Variants in KIF2A observed in about 807,000 individuals in gnomAD.
KIF2A encodes kinesin family member 2A.
A neutral mutation model predicts 100.2 loss-of-function variants in KIF2A; 22 were observed. That is an observed-to-expected ratio of 0.22 (90% CI 0.16 to 0.31). The LOEUF is 0.31. Among genes scored for constraint, KIF2A ranks in the 10% least tolerant of loss-of-function variants. The probability of loss-of-function intolerance (pLI) is 1.00; values close to 1 mark genes in which losing one functional copy is unlikely to be tolerated. For synonymous variants in KIF2A, 268 were observed against 285.9 expected (o/e 0.94, Z 0.63); for missense variants, 495 against 898.7 (o/e 0.55, Z 5.74).
intron 1 of KIF2A, among the ~76,000 whole-genome samples, chr5:62,327,855 G>A (rs1412542676): frequency 1.3e-5 from 2 of 152,122 alleles, no homozygotes; most frequent in Admixed American, 6.5e-5. Context: ...GAGTCCTGGG[G>A]GGAATAATAA....
At chr5:62,346,403 T>C (rs1390745837) in intron 1 of KIF2A, among the ~76,000 whole-genome samples, 1 of 152,154 alleles carries the variant, frequency 6.6e-6, no homozygotes, top group African/African-American at 2.4e-5. Context: ...TGGTAAAAAG[T>C]GGTTTTTAAG....
intron 1 of KIF2A, among the ~76,000 whole-genome samples, chr5:62,336,194 G>A (rs1464314680): frequency 1.3e-5 from 2 of 152,182 alleles, no homozygotes; most frequent in African/African-American, 4.8e-5. Context: ...GATGTCAAAA[G>A]TTTGATTCCT....
At chr5:62,377,553 C>A (rs1580099600) in intron 18 of KIF2A, 108 bp from the exon 19 acceptor site, 1 of 555,446 alleles carries the variant, frequency 1.8e-6, no homozygotes. Flanking sequence ...CTTTACCATT[C>A]AAGCCTCTTC....
chr5:62,365,173 A>G (rs1393263563), intron 14 of KIF2A, 70 bp from the exon 15 acceptor site: 9 of 745,726 alleles, frequency 1.2e-5, no homozygotes, highest in Non-Finnish European at 1.9e-5. Flanking sequence ...GAGACCTTTT[A>G]AAATATGTTA....
chr5:62,336,721 T>G (rs1746972553), intron 1 of KIF2A, among the ~76,000 whole-genome samples: 1 of 152,222 alleles, frequency 6.6e-6, no homozygotes, highest in South Asian at 2.1e-4. Context: ...GCATTCATCT[T>G]AAGAATTTAA....
chr5:62,310,838 A>G (rs1251043182), intron 1 of KIF2A, among the ~76,000 whole-genome samples: 1 of 151,590 alleles, frequency 6.6e-6, no homozygotes, highest in Non-Finnish European at 1.5e-5. Flanking sequence ...AAAAACCTAC[A>G]ATCTTTCTGT....
At chr5:62,346,097 TTAAA>T (rs1301826138) in intron 1 of KIF2A, among the ~76,000 whole-genome samples, 2 of 152,062 alleles carry the variant, frequency 1.3e-5, no homozygotes, top group African/African-American at 2.4e-5. Flanking sequence ...TCAATAGGTA[TTAAA>T]TAATTTATGA....
At chr5:62,314,273 C>A (rs1745697211) in intron 1 of KIF2A, among the ~76,000 whole-genome samples, 1 of 152,002 alleles carries the variant, frequency 6.6e-6, no homozygotes, top group African/African-American at 2.4e-5. Context: ...TGGATACCAG[C>A]CTGGGCAACA....
intron 16 of KIF2A, among the ~76,000 whole-genome samples, chr5:62,366,723 C>T (rs549440389): frequency 3.2e-4 from 48 of 151,184 alleles, no homozygotes; most frequent in Middle Eastern, 3.4e-3. Flanking sequence ...CCCAGCTACT[C>T]GGGAAGCTGA....
At chr5:62,332,283 C>T (rs946928889) in intron 1 of KIF2A, among the ~76,000 whole-genome samples, 2 of 152,024 alleles carry the variant, frequency 1.3e-5, no homozygotes, top group African/African-American at 4.8e-5. Flanking sequence ...ATATGAATTC[C>T]ATGTATTTAT....
rs576048563 is a variant in KIF2A at position 62,333,856 on chromosome 5, C to T, written c.65-13274C>T. Among the ~76,000 whole-genome samples, 11 of 152,244 alleles carry T rather than the reference C, an allele frequency of 7.2e-5. No homozygotes were observed. The East Asian group carries it at 9.7e-4, about 13-fold the overall frequency. ...ATGATGAACCCCAGTCCCCAGGATA[C>T]TTATTCAGGCCCCACACCTCCCAGC... On this transcript the variant is annotated intron_variant, in intron 1 of 20. Transcript: ENST00000407818.
intron 20 of KIF2A, among the ~76,000 whole-genome samples, chr5:62,384,725 C>T (rs185903867): frequency 3.3e-5 from 5 of 152,234 alleles, no homozygotes; most frequent in Admixed American, 6.5e-5. Context: ...CCAGAAAATG[C>T]GTAAAATCAA....
At position 62,390,393 on chromosome 5, in the gene KIF2A, C is replaced by A. The variant is rs1742249176; in HGVS notation, c.*4824C>A. 6.6e-6 allele frequency among the ~76,000 whole-genome samples: 1 copy of A among 152,100 alleles called. No individual in the cohort carries two copies. Among genetic ancestry groups the A allele is most frequent in the African/African-American group, 2.4e-5 (1 of 41,418 alleles). On this transcript the variant is annotated 3_prime_UTR_variant, in exon 21 of 21. Transcript: ENST00000407818. The stretch of plus-strand genomic sequence containing the variant: ...CTTCAGGCTACAAAACTGTATTATT[C>A]CTAAATGGATAACCAGGTAGGATTC...
chr5:62,316,283 A>C (rs1745815702), intron 1 of KIF2A, among the ~76,000 whole-genome samples: 1 of 152,174 alleles, frequency 6.6e-6, no homozygotes, highest in African/African-American at 2.4e-5. Context: ...CTTGGAACGG[A>C]ATGAGAAGGA....
rs201621384 is a variant in KIF2A at position 62,373,849 on chromosome 5, A to G, written c.1911+12A>G. 63 of 1,584,748 alleles carry G rather than the reference A, an allele frequency of 4.0e-5. No individual in the cohort carries two copies. The highest frequency in any genetic ancestry group is 5.4e-5 in the African/African-American group (4 of 74,332). On this transcript the variant is annotated intron_variant, in intron 18 of 20. Coordinates refer to ENST00000407818, the MANE Select transcript of KIF2A (RefSeq NM_001098511.3). Reference sequence around the variant, plus strand: ...TTTGTGAACAAAATGTGAGTGTACTATGGTTGTAAATGTTATAATCTTAGT... The same window carrying G: ...TTTGTGAACAAAATGTGAGTGTACTGTGGTTGTAAATGTTATAATCTTAGT...
chr5:62,356,198 GATGT>G (rs1748097784), intron 7 of KIF2A, among the ~76,000 whole-genome samples: 1 of 152,224 alleles, frequency 6.6e-6, no homozygotes. Context: ...GTGTTAGATA[GATGT>G]ATTATATAGA....
chr5:62,388,973 C>G lies in KIF2A; in HGVS notation c.*3404C>G, dbSNP rs766963889. On this transcript the variant is annotated 3_prime_UTR_variant, in exon 21 of 21. Coordinates refer to ENST00000407818, the MANE Select transcript of KIF2A (RefSeq NM_001098511.3). ...AATACAAAAAATACAAAATTCATTTCTTTTCTTGACCTTGAAAATTTCTGT... is the reference window on the plus strand; with the variant it reads ...AATACAAAAAATACAAAATTCATTTGTTTTCTTGACCTTGAAAATTTCTGT... 1 of 1,574,800 alleles carries G rather than the reference C, an allele frequency of 6.4e-7. No homozygotes were observed. Among genetic ancestry groups the G allele is most frequent in the African/African-American group, 1.4e-5 (1 of 73,358 alleles).
chr5:62,365,103 T>A (rs891761550), intron 14 of KIF2A, 140 bp from the exon 15 acceptor site: 6 of 446,172 alleles, frequency 1.3e-5, no homozygotes, highest in Non-Finnish European at 2.4e-5. Context: ...AAAAAAAAAA[T>A]AAAACTGTTA....
At chr5:62,381,780 C>G (rs1030132077) in intron 20 of KIF2A, among the ~76,000 whole-genome samples, 3 of 152,220 alleles carry the variant, frequency 2.0e-5, no homozygotes, top group African/African-American at 4.8e-5. Flanking sequence ...CTCAGGCTGT[C>G]TCAAACTCCT....
Sources: allele counts gnomAD v4.1 joint callset (sites outside exome capture counted in the v4.1 genomes callset), GRCh38; gene constraint gnomAD v4.1.1; transcripts MANE v1.5; gene names NCBI Gene and HGNC (gene_info 2026-07-23, HGNC 2026-07-21).